Variants in AASDH observed in about 807,000 individuals in gnomAD.
The protein encoded by AASDH is beta-alanine-activating enzyme.
Under a neutral mutation model 102.3 loss-of-function variants are expected in AASDH, and 81 were observed. That is an observed-to-expected ratio of 0.79 (90% CI 0.66 to 0.95). The LOEUF (loss-of-function observed/expected upper bound fraction) is 0.95, where lower values mean the gene tolerates loss of function less well. Ranked by LOEUF, AASDH falls within the 40% of genes least tolerant of loss-of-function variation. The probability of loss-of-function intolerance (pLI) is 0.00; values close to 1 mark genes in which losing one functional copy is unlikely to be tolerated. For synonymous variants in AASDH, 398 were observed against 454.0 expected, an observed-to-expected ratio of 0.88 and a Z score of 1.57; for missense variants, 1,203 against 1,266.2, an observed-to-expected ratio of 0.95 and a Z score of 0.76.
intron 5 of AASDH, among the ~76,000 whole-genome samples, chr4:56,370,794 T>G (rs1751604045): frequency 6.6e-6 from 1 of 152,238 alleles, no homozygotes; most frequent in Non-Finnish European, 1.5e-5. Context: ...GAGATGGGTA[T>G]TATTTCCATT....
intron 5 of AASDH, among the ~76,000 whole-genome samples, chr4:56,367,009 C>T (rs1339942959): frequency 6.6e-6 from 1 of 152,058 alleles, no homozygotes; most frequent in Non-Finnish European, 1.5e-5. Flanking sequence ...AGCTGATAAG[C>T]AACTTCAGCA....
intron 5 of AASDH, among the ~76,000 whole-genome samples, chr4:56,363,330 C>T (rs1046578421): frequency 2.0e-5 from 3 of 152,216 alleles, no homozygotes; most frequent in African/African-American, 7.2e-5. Flanking sequence ...CAACAGCAAC[C>T]TCTGCAAACT....
intron 9 of AASDH, 50 bp downstream of exon 9, chr4:56,353,354 A>G (rs1749212384): frequency 2.1e-6 from 3 of 1,395,474 alleles, no homozygotes; most frequent in Non-Finnish European, 2.9e-6. Context: ...AGTTATGAAT[A>G]CAATTAGTAT....
intron 3 of AASDH, among the ~76,000 whole-genome samples, chr4:56,381,584 CAA>C (rs564727163): frequency 8.0e-6 from 1 of 124,570 alleles, no homozygotes; most frequent in Non-Finnish European, 1.7e-5. Context: ...GACTCTGGCT[CAA>C]AAAAAAAAAA....
At chr4:56,348,813 T>C (rs1748629853) in intron 11 of AASDH, 1 of 164,712 alleles carries the variant, frequency 6.1e-6, no homozygotes. Context: ...CCTTGGCAGA[T>C]TTTCCAACCC....
intron 5 of AASDH, chr4:56,356,771 T>C: frequency 8.2e-6 from 6 of 730,044 alleles, no homozygotes; most frequent in Non-Finnish European, 1.2e-5. Context: ...GACAAAGGCG[T>C]TTTGGCTAAG....
chr4:56,384,595 A>G (rs1578092734), intron 1 of AASDH, among the ~76,000 whole-genome samples: 1 of 152,322 alleles, frequency 6.6e-6, no homozygotes, highest in Non-Finnish European at 1.5e-5. Context: ...CACAGATGAA[A>G]ATGAAGCAGG....
chr4:56,373,569 C>T (rs1408753477), intron 4 of AASDH, among the ~76,000 whole-genome samples: 2 of 152,146 alleles, frequency 1.3e-5, no homozygotes, highest in Admixed American at 1.3e-4. Context: ...TGAAGTCCTT[C>T]CAATGTCCTT....
At chr4:56,357,877 T>C (rs1314526060) in intron 5 of AASDH, among the ~76,000 whole-genome samples, 1 of 151,630 alleles carries the variant, frequency 6.6e-6, no homozygotes, top group Non-Finnish European at 1.5e-5. Flanking sequence ...TATTCATTTC[T>C]AACAAAAAAG....
At chr4:56,362,758 G>A (rs1245423164) in intron 5 of AASDH, among the ~76,000 whole-genome samples, 1 of 152,072 alleles carries the variant, frequency 6.6e-6, no homozygotes, top group Non-Finnish European at 1.5e-5. Context: ...CCTGGGGGTG[G>A]AGCCAAGATG....
In AASDH at chr4:56,343,873, A is replaced by C. The variant is rs185838283; in HGVS notation, c.2653-189T>G. Among the ~76,000 whole-genome samples, 57 of 152,240 alleles carry C rather than the reference A, an allele frequency of 3.7e-4. 1 individual carries two copies. The highest frequency in any genetic ancestry group is 1.7e-3 in the Admixed American group (26 of 15,290). On this transcript the variant is annotated intron_variant, in intron 12 of 14. Coordinates refer to ENST00000205214, the MANE Select transcript of AASDH (RefSeq NM_181806.4). ...CTACCCAGAGACAACCAGTGTTAAC[A>C]TTTTAGCATTTTCTCATTTGATCTT...
At chr4:56,348,129 A>T (rs1388600950) in intron 11 of AASDH, among the ~76,000 whole-genome samples, 1 of 151,816 alleles carries the variant, frequency 6.6e-6, no homozygotes, top group African/African-American at 2.4e-5. Context: ...CCAGCCTGGG[A>T]AACAGAGCCA....
rs147701799 is a variant in AASDH, at chr4:56,353,930, C to T, written c.1383+109G>A. Reference sequence around the variant, plus strand: ...ACCCTTTATTGTAATTCATCACTAACACAAAAATGTCAGGTGTAAATAATA... The same window carrying T: ...ACCCTTTATTGTAATTCATCACTAATACAAAAATGTCAGGTGTAAATAATA... On this transcript the variant is annotated intron_variant, in intron 8 of 14. Coordinates refer to ENST00000205214, the MANE Select transcript of AASDH (RefSeq NM_181806.4). 3,930 of 1,024,192 alleles carry T rather than the reference C, an allele frequency of 3.8e-3. 11 individuals are homozygous for T. The highest frequency in any genetic ancestry group is 4.2e-3 in the South Asian group (181 of 43,428). The allele number at this position is 1,024,192 out of a possible 1,614,324, so 63.4% of individuals were successfully genotyped here. A position where few individuals can be genotyped will look rare whatever the true frequency, so the allele number is the denominator to read the frequency against.
rs933478127 is a variant in AASDH, at chr4:56,387,384, T to C, written c.-65A>G. ...CACTTAGCAAGTCTCGCGGATTAGG[T>C]TTGATCGCATTCGGCCCTTTCCCGG... On this transcript the variant is annotated 5_prime_UTR_variant, in exon 1 of 15. Coordinates refer to ENST00000205214, the MANE Select transcript of AASDH (RefSeq NM_181806.4). The C allele has an allele frequency of 5.9e-5, 9 of 152,414 alleles. No individual in the cohort carries two copies. Among genetic ancestry groups the C allele is most frequent in the Admixed American group, 2.6e-4 (4 of 15,302 alleles). The allele number at this position is 152,414 out of a possible 1,614,324, so 9.4% of individuals were successfully genotyped here. A position where few individuals can be genotyped will look rare whatever the true frequency, so the allele number is the denominator to read the frequency against.
chr4:56,364,119 TG>T (rs1750686653), intron 5 of AASDH, among the ~76,000 whole-genome samples: 1 of 151,984 alleles, frequency 6.6e-6, no homozygotes, highest in South Asian at 2.1e-4. Context: ...AGGGTATCAG[TG>T]ATGGAAGACG....
intron 5 of AASDH, among the ~76,000 whole-genome samples, chr4:56,358,668 T>A (rs928223670): frequency 8.5e-5 from 13 of 152,096 alleles, no homozygotes; most frequent in Non-Finnish European, 1.6e-4. Flanking sequence ...TTTTTGGATG[T>A]TAAACCAAAC....
intron 11 of AASDH, chr4:56,349,047 A>G: frequency 3.6e-6 from 2 of 550,766 alleles, no homozygotes; most frequent in Non-Finnish European, 6.3e-6. Context: ...AACTTGCCAA[A>G]GGTCACAGAG....
intron 5 of AASDH, among the ~76,000 whole-genome samples, chr4:56,368,517 C>T (rs1751298410): frequency 6.6e-6 from 1 of 151,954 alleles, no homozygotes; most frequent in Non-Finnish European, 1.5e-5. Context: ...GGCACATATA[C>T]ACCATGGAAT....
intron 5 of AASDH, among the ~76,000 whole-genome samples, chr4:56,364,371 C>G (rs1202835325): frequency 2.0e-5 from 3 of 151,974 alleles, no homozygotes; most frequent in Non-Finnish European, 4.4e-5. Context: ...CAGAGAACAC[C>G]ACAAAGATAC....
Sources: allele counts gnomAD v4.1 joint callset (sites outside exome capture counted in the v4.1 genomes callset), GRCh38; gene constraint gnomAD v4.1.1; transcripts MANE v1.5; gene names NCBI Gene and HGNC (gene_info 2026-07-23, HGNC 2026-07-21).